The following MEGF6 variants were observed in gnomAD, a reference collection of about 807,000 sequenced individuals.
The protein encoded by MEGF6 is multiple epidermal growth factor-like domains protein 6.
Under a neutral mutation model 207.1 loss-of-function variants are expected in MEGF6, and 184 were observed. The observed-to-expected ratio is 0.89, with a 90% CI of 0.79 to 1.00. MEGF6 has a LOEUF of 1.00. MEGF6 is among the 50% of genes least tolerant of loss of function. The pLI, the probability that MEGF6 is intolerant of heterozygous loss-of-function variation, is 0.00. For synonymous variants in MEGF6, 1,038 were observed against 910.0 expected, an observed-to-expected ratio of 1.14 and a Z score of -2.53; for missense variants, 2,282 against 2,202.9, an observed-to-expected ratio of 1.04 and a Z score of -0.72.
At chr1:3,516,776 G>A (rs887525809) in intron 5 of MEGF6, among the ~76,000 whole-genome samples, 11 of 152,336 alleles carry the variant, frequency 7.2e-5, no homozygotes, top group South Asian at 2.1e-4. Context: ...CGTGCTCGCC[G>A]TACCTGTCCC....
chr1:3,565,787 G>A lies in MEGF6; in HGVS notation c.481+14038C>T, dbSNP rs1399271735. Among the ~76,000 whole-genome samples, 2 of 152,162 alleles carry A rather than the reference G, an allele frequency of 1.3e-5. No homozygotes were observed. Among genetic ancestry groups the A allele is most frequent in the Admixed American group, 6.5e-5 (1 of 15,286 alleles). ...GGTGGCCACGTCACCAAGAACAGAA[G>A]TGCGTGTGGACATCCAGGTGCCTTC... On this transcript the variant is annotated intron_variant, in intron 4 of 36. Coordinates refer to ENST00000356575, the MANE Select transcript of MEGF6 (RefSeq NM_001409.4). This position sits in a 1 kb window ranked among gnomAD's most constrained non-coding sequence, Gnocchi z 4.8.
At chr1:3,563,690 C>A (rs918205402) in intron 4 of MEGF6, among the ~76,000 whole-genome samples, 1 of 152,212 alleles carries the variant, frequency 6.6e-6, no homozygotes, top group Non-Finnish European at 1.5e-5. Flanking sequence ...CCCCTGACAC[C>A]CCTAAGAAAG....
chr1:3,512,354 A>G (rs1051551683), intron 7 of MEGF6, among the ~76,000 whole-genome samples: 26 of 152,252 alleles, frequency 1.7e-4, no homozygotes, highest in African/African-American at 6.0e-4. Context: ...AGCCTGTTGC[A>G]TGACCAGGTG....
rs569024059 is a variant in MEGF6, at chr1:3,573,312, C to A, written c.481+6513G>T. 6.6e-6 allele frequency among the ~76,000 whole-genome samples: 1 copy of A among 152,190 alleles called. No individual in the cohort carries two copies. The highest frequency in any genetic ancestry group is 1.5e-5 in the Non-Finnish European group (1 of 68,008). ...TAGTCCTCCTGGGGCATGCTAGGATCATTTCTCACACCAGACACAAAAAGC... is the reference window on the plus strand; with the variant it reads ...TAGTCCTCCTGGGGCATGCTAGGATAATTTCTCACACCAGACACAAAAAGC... On this transcript the variant is annotated intron_variant, in intron 4 of 36. Transcript: ENST00000356575. The surrounding 1 kb of genome is among the most constrained non-coding windows in gnomAD (Gnocchi z 5.1).
At chr1:3,500,066 T>C in intron 21 of MEGF6, 142 bp from the exon 22 acceptor site, 1 of 1,271,472 alleles carries the variant, frequency 7.9e-7, no homozygotes, top group South Asian at 1.6e-5. Context: ...GAGACTGGGC[T>C]CACTCACATG....
In MEGF6 at chr1:3,594,905, C is replaced by T. The variant is rs774143624; in HGVS notation, c.376+433G>A. On this transcript the variant is annotated intron_variant, in intron 3 of 36. Coordinates refer to ENST00000356575, the MANE Select transcript of MEGF6 (RefSeq NM_001409.4). This position sits in a 1 kb window ranked among gnomAD's most constrained non-coding sequence, Gnocchi z 4.2. ...CCCACTGAAGCTGAGGCCCGCCACC[C>T]GGCCCGGATTGGCCTTGGGAGAACA... Among the ~76,000 whole-genome samples the T allele has an allele frequency of 9.2e-5, 14 of 152,200 alleles. No individual in the cohort carries two copies. Among genetic ancestry groups the T allele is most frequent in the Non-Finnish European group, 1.6e-4 (11 of 68,034 alleles).
the MEGF6 span, among the ~76,000 whole-genome samples, chr1:3,617,272 C>G: frequency 2.0e-5 from 3 of 152,268 alleles, no homozygotes; most frequent in South Asian, 6.2e-4. Flanking sequence ...TGTACCTACT[C>G]CCGCCACCAT....
rs567696086 is a variant in MEGF6 at position 3,594,932 on chromosome 1, G to A, written c.376+406C>T. Among the ~76,000 whole-genome samples the A allele has an allele frequency of 3.5e-4, 53 of 151,784 alleles. No homozygotes were observed. Among genetic ancestry groups the A allele is most frequent in the Non-Finnish European group, 6.0e-4 (41 of 67,882 alleles). ...GCCCGGATTGGCCTTGGGAGAACAC[G>A]GTATAGGGAAACAGGGCAGGGAGAG... On this transcript the variant is annotated intron_variant, in intron 3 of 36. Transcript: ENST00000356575. This position sits in a 1 kb window ranked among gnomAD's most constrained non-coding sequence, Gnocchi z 4.2.
intron 1 of MEGF6, among the ~76,000 whole-genome samples, chr1:3,605,205 G>C (rs1295764597): frequency 6.7e-6 from 1 of 150,076 alleles, no homozygotes; most frequent in Non-Finnish European, 1.5e-5. Flanking sequence ...CACACACACA[G>C]TCACACACAC....
chr1:3,563,965 C>T (rs1643276776), intron 4 of MEGF6, among the ~76,000 whole-genome samples: 1 of 152,194 alleles, frequency 6.6e-6, no homozygotes. Flanking sequence ...GCCAGCCCCT[C>T]CTGGGCATAG....
At chr1:3,500,393 G>C (rs1171733881) in intron 21 of MEGF6, among the ~76,000 whole-genome samples, 1 of 152,260 alleles carries the variant, frequency 6.6e-6, no homozygotes. Context: ...CAGAGCAGTG[G>C]GGGCTGGGAA....
intron 5 of MEGF6, among the ~76,000 whole-genome samples, chr1:3,517,179 G>A (rs1213995473): frequency 1.3e-5 from 2 of 152,234 alleles, no homozygotes; most frequent in Non-Finnish European, 2.9e-5. Context: ...CCTCCTGGCA[G>A]GGCCAGGCAG....
At chr1:3,535,358 G>T (rs1393434769) in intron 4 of MEGF6, among the ~76,000 whole-genome samples, 1 of 152,160 alleles carries the variant, frequency 6.6e-6, no homozygotes, top group East Asian at 1.9e-4. Flanking sequence ...GAGCCTCCTG[G>T]TATCACATCC....
In MEGF6 at chr1:3,497,340, C is replaced by A; in HGVS notation, c.3374G>T (p.Gly1125Val). Residue 1125 changes from glycine to valine, a missense_variant, in exon 27 of 37, where the codon GGA becomes GTA. Coordinates refer to ENST00000356575, the MANE Select transcript of MEGF6 (RefSeq NM_001409.4). ...GCTGCAGCGCTGGGCACAGGCCTCT[C>A]CAAACCAGCCCCGCAGGCAGGCTGC... Reference protein sequence around the residue: ...CQSPCLRGWFGEACAQRCSCP... With the variant: ...CQSPCLRGWFVEACAQRCSCP... The A allele has an allele frequency of 6.5e-7, 1 of 1,549,864 alleles. No individual in the cohort carries two copies. Among genetic ancestry groups the A allele is most frequent in the Admixed American group, 2.2e-5 (1 of 45,462 alleles).
chr1:3,510,930 G>A (rs1217216569), intron 9 of MEGF6, 28 bp from the exon 10 acceptor site: 2 of 1,583,204 alleles, frequency 1.3e-6, no homozygotes, highest in Non-Finnish European at 1.7e-6. Context: ...CGGGCCCCCT[G>A]GTACCAGGCA....
intron 1 of MEGF6, among the ~76,000 whole-genome samples, chr1:3,605,528 TCACA>T (rs983224937): frequency 1.0e-4 from 14 of 133,784 alleles, no homozygotes; most frequent in Admixed American, 5.7e-4. Context: ...ACATTCACAC[TCACA>T]CACAATCACA....
At position 3,508,780 on chromosome 1, in the gene MEGF6, G is replaced by A; in HGVS notation, c.1529-91C>T. 3.4e-6 allele frequency: 5 copies of A among 1,471,950 alleles called. No homozygotes were observed. The South Asian group carries it at 5.2e-5, about 15-fold the overall frequency. 91.2% of individuals were successfully genotyped at this position (1,471,950 alleles called of 1,614,324 possible). A position where few individuals can be genotyped will look rare whatever the true frequency, so the allele number is the denominator to read the frequency against. On this transcript the variant is annotated intron_variant, in intron 12 of 36. Transcript: ENST00000356575. ...GGCTCAGACCCTCAGGCCAGGGAAG[G>A]GGCATAAGGGGCATCCTCGGCCCAT...
Position 3,494,244 on chromosome 1 carries a change from C to T in MEGF6, c.4130-120G>A, listed in dbSNP as rs899059668. On this transcript the variant is annotated intron_variant, in intron 32 of 36. Coordinates refer to ENST00000356575, the MANE Select transcript of MEGF6 (RefSeq NM_001409.4). Reference sequence around the variant, plus strand: ...AGAAAAGCCCCCTCCTGCCCGTCCTCGTCCCTCCCCACTGCTGCTGGCTCC... The same window carrying T: ...AGAAAAGCCCCCTCCTGCCCGTCCTTGTCCCTCCCCACTGCTGCTGGCTCC... 6.7e-5 allele frequency: 99 copies of T among 1,466,740 alleles called. No individual in the cohort carries two copies. In the African/African-American group the frequency reaches 1.0e-3, roughly 15 times the overall value. 90.9% of individuals were successfully genotyped at this position (1,466,740 alleles called of 1,614,324 possible). A position where few individuals can be genotyped will look rare whatever the true frequency, so the allele number is the denominator to read the frequency against.
At chr1:3,540,267 G>A (rs574420831) in intron 4 of MEGF6, among the ~76,000 whole-genome samples, 134 of 152,322 alleles carry the variant, frequency 8.8e-4, no homozygotes, top group Admixed American at 3.1e-3. Context: ...CACTCGCAGC[G>A]CCTCGGACGG....
Sources: gnomAD v4.1 joint callset for allele counts (sites outside exome capture counted in the v4.1 genomes callset) on GRCh38, gnomAD v4.1.1 for gene constraint, Gnocchi (gnomAD v3.1) non-coding constraint, MANE v1.5 for transcripts, NCBI Gene and HGNC (gene_info 2026-07-23, HGNC 2026-07-21) for gene names.